Variants in GET4 observed in about 807,000 individuals in gnomAD.
The protein encoded by GET4 is guided entry of tail-anchored proteins factor 4, also known as Golgi to ER traffic protein 4 homolog.
A neutral mutation model predicts 40.0 loss-of-function variants in GET4; 20 were observed. That is an observed-to-expected ratio of 0.50 (90% CI 0.35 to 0.73). The LOEUF is 0.73. Among genes scored for constraint, GET4 ranks in the 30% least tolerant of loss-of-function variants. GET4 has a pLI of 0.01. For missense variants in GET4, 557 were observed against 454.0 expected (o/e 1.23, Z -2.06); for synonymous variants, 280 against 194.6 (o/e 1.44, Z -3.65).
At chr7:887,748 C>T (rs1328710835) in intron 4 of GET4, among the ~76,000 whole-genome samples, 1 of 152,208 alleles carries the variant, frequency 6.6e-6, no homozygotes, top group African/African-American at 2.4e-5. Context: ...CCAGGCCTTC[C>T]CGTGGGACGT....
chr7:887,791 G>C (rs75066221), intron 4 of GET4, among the ~76,000 whole-genome samples: 5,359 of 152,306 alleles, frequency 0.035, 304 homozygotes, highest in African/African-American at 0.12. Context: ...GTGCCTTCAC[G>C]GGGCCTATGC....
intron 1 of GET4, chr7:884,815 T>C (rs1844155930): frequency 6.3e-6 from 1 of 157,540 alleles, no homozygotes; most frequent in African/African-American, 2.4e-5. Flanking sequence ...GGATGGCGCC[T>C]CGCTCTGTCA....
chr7:891,137 C>T (rs915033412), intron 5 of GET4, 71 bp downstream of exon 5: 1 of 1,249,056 alleles, frequency 8.0e-7, no homozygotes, highest in Middle Eastern at 2.5e-4. Flanking sequence ...GAACAGGTCC[C>T]CTTGTCCCCT....
intron 1 of GET4, chr7:884,082 G>T: frequency 4.2e-6 from 5 of 1,192,312 alleles, no homozygotes; most frequent in Non-Finnish European, 4.3e-6. Context: ...GCCTTCCAGG[G>T]AGTCCTTTTT....
At chr7:893,130 G>T (rs1291125011) in intron 6 of GET4, among the ~76,000 whole-genome samples, 2 of 103,482 alleles carry the variant, frequency 1.9e-5, no homozygotes, top group African/African-American at 6.1e-5. Context: ...GGGTGTAGGC[G>T]TGGTGTGTGC....
chr7:895,456 C>A lies in GET4; in HGVS notation c.*34C>A. 1 of 1,165,360 alleles carries A rather than the reference C, an allele frequency of 8.6e-7. No individual in the cohort carries two copies. The highest frequency in any genetic ancestry group is 1.3e-6 in the Non-Finnish European group (1 of 783,616). 72.2% of individuals were successfully genotyped at this position (1,165,360 alleles called of 1,614,324 possible). A position where few individuals can be genotyped will look rare whatever the true frequency, so the allele number is the denominator to read the frequency against. On this transcript the variant is annotated 3_prime_UTR_variant, in exon 9 of 9. Transcript: ENST00000265857. ...GGCCACGTGGAGACACCACGGTCGACGACGGCTGGAGGGACGTTTCAGAGG... is the reference window on the plus strand; with the variant it reads ...GGCCACGTGGAGACACCACGGTCGAAGACGGCTGGAGGGACGTTTCAGAGG...
rs117535606 is a variant in GET4 at position 893,984 on chromosome 7, G to T, written c.895+13G>T. The stretch of plus-strand genomic sequence containing the variant: ...GGGGGCCTGCTCGGTAAGCCGGGGC[G>T]CCCTTGTCACACCCACTCCAGCCCT... On this transcript the variant is annotated intron_variant, in intron 8 of 8. Transcript: ENST00000265857. 3.2e-5 allele frequency: 50 copies of T among 1,563,266 alleles called. No homozygotes were observed. Among genetic ancestry groups the T allele is most frequent in the Non-Finnish European group, 3.5e-5 (40 of 1,151,118 alleles).
At chr7:892,705 AGGTGTGGGGT>A (rs1490611924) in intron 6 of GET4, among the ~76,000 whole-genome samples, 3 of 145,346 alleles carry the variant, frequency 2.1e-5, no homozygotes, top group Admixed American at 6.8e-5. Flanking sequence ...GGGTGTGTGC[AGGTGTGGGGT>A]GGTGTGGGTG....
At chr7:890,897 G>GTATT in intron 4 of GET4, 31 bp from the exon 5 acceptor site, 4 of 1,532,048 alleles carry the variant, frequency 2.6e-6, no homozygotes, top group Admixed American at 1.7e-5. Flanking sequence ...TTCGTGAAAT[G>GTATT]TATTTACATT....
intron 7 of GET4, 39 bp from the exon 8 acceptor site, chr7:893,859 TG>T: frequency 1.2e-6 from 2 of 1,607,404 alleles, no homozygotes; most frequent in Non-Finnish European, 1.7e-6. Context: ...CCCCACGGTC[TG>T]GGTCCACCCC....
At chr7:881,246 G>T (rs1160223691) in intron 1 of GET4, 1 of 152,174 alleles carries the variant, frequency 6.6e-6, no homozygotes, top group African/African-American at 2.4e-5. Flanking sequence ...GTATAATTTG[G>T]TGAGGTCTGA....
intron 8 of GET4, among the ~76,000 whole-genome samples, chr7:894,344 G>A (rs1053016748): frequency 6.6e-5 from 10 of 152,182 alleles, no homozygotes; most frequent in African/African-American, 1.7e-4. Flanking sequence ...CAGTGCTGCC[G>A]TGGCTTTGGG....
intron 1 of GET4, chr7:884,256 G>A: frequency 7.7e-7 from 1 of 1,304,146 alleles, no homozygotes; most frequent in Non-Finnish European, 1.0e-6. Flanking sequence ...AGGCGTGTCT[G>A]GGAGCTTGTT....
chr7:881,920 T>G (rs965950672), intron 1 of GET4: 1 of 152,218 alleles, frequency 6.6e-6, no homozygotes, highest in African/African-American at 2.4e-5. Context: ...AGTGGGGAAG[T>G]GTAGTGCCCG....
At chr7:891,955 G>A (rs1195360528) in intron 5 of GET4, among the ~76,000 whole-genome samples, 3 of 152,196 alleles carry the variant, frequency 2.0e-5, no homozygotes, top group East Asian at 1.9e-4. Context: ...GTTCTGGTGC[G>A]GGCCAGCGCC....
chr7:884,489 T>G, intron 1 of GET4: 1 of 599,706 alleles, frequency 1.7e-6, no homozygotes, highest in Non-Finnish European at 2.6e-6. Flanking sequence ...CGGGGGCACT[T>G]TCTCTCTTGG....
intron 1 of GET4, among the ~76,000 whole-genome samples, chr7:879,500 C>T (rs950584537): frequency 6.6e-6 from 1 of 152,326 alleles, no homozygotes; most frequent in Admixed American, 6.5e-5. Context: ...TTTGTACGGA[C>T]CTACTGAGCA....
Position 895,640 on chromosome 7 carries a change from C to G in GET4, c.*218C>G, listed in dbSNP as rs376159705. 1 of 412,292 alleles carries G rather than the reference C, an allele frequency of 2.4e-6. No individual in the cohort carries two copies. The highest frequency in any genetic ancestry group is 2.1e-5 in the African/African-American group (1 of 48,330). The allele number at this position is 412,292 out of a possible 1,614,324, so 25.5% of individuals were successfully genotyped here. ...AGAGTGGGGCGTCGCCCCTGCTGGC[C>G]GCCGCGTCCCCCGAGATTGACCCAC... On this transcript the variant is annotated 3_prime_UTR_variant, in exon 9 of 9. Coordinates refer to ENST00000265857, the MANE Select transcript of GET4 (RefSeq NM_015949.3).
chr7:879,674 T>A (rs779084303), intron 1 of GET4: 3 of 152,268 alleles, frequency 2.0e-5, no homozygotes, highest in African/African-American at 4.8e-5. Flanking sequence ...GTGTTGTAGA[T>A]GCTTTTCTTC....
Sources: gnomAD v4.1 joint callset for allele counts (sites outside exome capture counted in the v4.1 genomes callset) on GRCh38, gnomAD v4.1.1 for gene constraint, MANE v1.5 for transcripts, NCBI Gene and HGNC (gene_info 2026-07-23, HGNC 2026-07-21) for gene names.